The following SETX variants were observed in gnomAD, a reference collection of about 807,000 sequenced individuals.
SETX encodes the protein senataxin.
A neutral mutation model predicts 227.2 loss-of-function variants in SETX; 90 were observed. That is an observed-to-expected ratio of 0.40 (90% CI 0.33 to 0.47). The LOEUF (loss-of-function observed/expected upper bound fraction) is 0.47. SETX is among the 20% of genes least tolerant of loss of function. The pLI is 0.91. For synonymous variants in SETX, 1,210 were observed against 1,113.2 expected, an observed-to-expected ratio of 1.09 and a Z score of -1.73; for missense variants, 3,052 against 3,181.5, an observed-to-expected ratio of 0.96 and a Z score of 0.98.
Position 132,300,492 on chromosome 9 carries a change from G to C in SETX, c.5548+138C>G. The stretch of plus-strand genomic sequence containing the variant: ...CTAGAAAAACTAGAAAAGAGACTCT[G>C]AATGGCCATGTAATCAACATAGCAA... On this transcript the variant is annotated intron_variant, in intron 12 of 25. Transcript: ENST00000224140. 4 of 867,820 alleles carry C rather than the reference G, an allele frequency of 4.6e-6. No individual in the cohort carries two copies. The South Asian group carries it at 5.8e-5, about 13-fold the overall frequency. 53.8% of individuals were successfully genotyped at this position (867,820 alleles called of 1,614,324 possible). A position where few individuals can be genotyped will look rare whatever the true frequency, so the allele number is the denominator to read the frequency against.
At chr9:132,315,453 T>A (rs1363664983) in intron 10 of SETX, among the ~76,000 whole-genome samples, 1 of 152,190 alleles carries the variant, frequency 6.6e-6, no homozygotes, top group Non-Finnish European at 1.5e-5. Flanking sequence ...CTTAAACTCC[T>A]AGAGTTATCC....
rs397741391 is a variant in SETX at position 132,265,224 on chromosome 9, G to GTTTT, written c.7288-243_7288-240dup. Among the ~76,000 whole-genome samples, 1,517 of 106,392 alleles carry GTTTT rather than the reference G, an allele frequency of 0.014. 51 individuals carry two copies. Among genetic ancestry groups the GTTTT allele is most frequent in the African/African-American group, 0.019 (507 of 26,324 alleles). 69.8% of individuals were successfully genotyped at this position (106,392 alleles called of 152,430 possible). Reference sequence around the variant, plus strand: ...CCTATAATGGAGAACTTCAACTTTTGTTTTTTTTTTTTTTTTTTTTGAGAC... The same window carrying GTTTT: ...CCTATAATGGAGAACTTCAACTTTTGTTTTTTTTTTTTTTTTTTTTTTTTGAGAC... On this transcript the variant is annotated intron_variant, in intron 25 of 25. Coordinates refer to ENST00000224140, the MANE Select transcript of SETX (RefSeq NM_015046.7).
chr9:132,343,730 C>G (rs1165003656), intron 4 of SETX, among the ~76,000 whole-genome samples: 1 of 152,118 alleles, frequency 6.6e-6, no homozygotes, highest in Admixed American at 6.5e-5. Flanking sequence ...GATTTTTGAT[C>G]TGGATGCTGG....
intron 5 of SETX, among the ~76,000 whole-genome samples, chr9:132,338,610 T>C (rs1366316095): frequency 6.6e-6 from 1 of 152,178 alleles, no homozygotes; most frequent in East Asian, 1.9e-4. Flanking sequence ...GGTATATCAT[T>C]GTGGTCTTAT....
chr9:132,332,493 G>C (rs974892096), intron 7 of SETX, among the ~76,000 whole-genome samples: 13 of 152,160 alleles, frequency 8.5e-5, no homozygotes, highest in Admixed American at 5.2e-4. Context: ...CTTTACCACA[G>C]TCATTTGAAC....
intron 1 of SETX, among the ~76,000 whole-genome samples, chr9:132,354,401 C>A (rs1392366826): frequency 6.8e-6 from 1 of 148,098 alleles, no homozygotes; most frequent in Non-Finnish European, 1.5e-5. Flanking sequence ...GGGGATGAGG[C>A]GGAAGGATCG....
intron 5 of SETX, 26 bp downstream of exon 5, chr9:132,342,664 T>C (rs747982588): frequency 1.3e-5 from 19 of 1,457,788 alleles, no homozygotes; most frequent in Non-Finnish European, 1.8e-5. Context: ...CAATATACCC[T>C]TCTATCGCCC....
At chr9:132,345,326 TGCAGTG>T (rs2131552765) in intron 4 of SETX, among the ~76,000 whole-genome samples, 1 of 152,344 alleles carries the variant, frequency 6.6e-6, no homozygotes, top group Non-Finnish European at 1.5e-5. Context: ...CAGGCTGGAG[TGCAGTG>T]GCACAATCTT....
intron 17 of SETX, among the ~76,000 whole-genome samples, chr9:132,287,042 G>C (rs193018184): frequency 6.6e-6 from 1 of 152,282 alleles, no homozygotes; most frequent in East Asian, 1.9e-4. Flanking sequence ...ATTATGGAGT[G>C]GAGAAATGAT....
chr9:132,296,351 G>A (rs901762059), intron 14 of SETX, among the ~76,000 whole-genome samples: 4 of 152,064 alleles, frequency 2.6e-5, no homozygotes, highest in East Asian at 1.9e-4. Flanking sequence ...TCAGGAGCTC[G>A]AGACCAGCCT....
At chr9:132,349,487 T>TAG in intron 2 of SETX, 52 bp from the exon 3 acceptor site, 1 of 1,575,616 alleles carries the variant, frequency 6.3e-7, no homozygotes. Flanking sequence ...AGACCTACTG[T>TAG]GTGTCAAGAA....
chr9:132,290,034 C>T (rs914348765), intron 15 of SETX, among the ~76,000 whole-genome samples: 1 of 151,876 alleles, frequency 6.6e-6, no homozygotes, highest in Non-Finnish European at 1.5e-5. Flanking sequence ...CATGGCAAAA[C>T]CCCATTTCTA....
In SETX at chr9:132,278,273, TA is replaced by T. The variant is rs1564478696; in HGVS notation, c.6655-17del. The T allele has an allele frequency of 6.2e-7, 1 of 1,613,384 alleles. No homozygotes were observed. On this transcript the variant is annotated splice_polypyrimidine_tract_variant and intron_variant, in intron 20 of 25. Transcript: ENST00000224140. The stretch of plus-strand genomic sequence containing the variant: ...CCTGTGCTTTCTGTGAGGGGCAAAA[TA>T]AAGCAACAGTTTCCAAGAATTCATT...
intron 15 of SETX, among the ~76,000 whole-genome samples, chr9:132,290,116 G>A (rs1292550853): frequency 6.6e-6 from 1 of 152,094 alleles, no homozygotes; most frequent in East Asian, 1.9e-4. Flanking sequence ...GGCTGAGGCT[G>A]GAAAGTTGCC....
rs1038376773 is a variant in SETX at position 132,262,377 on chromosome 9, A to G, written c.*1862T>C. 3 of 152,116 alleles carry G rather than the reference A, an allele frequency of 2.0e-5. No homozygotes were observed. The highest frequency in any genetic ancestry group is 2.0e-4 in the Admixed American group (3 of 15,270). 9.4% of individuals were successfully genotyped at this position (152,116 alleles called of 1,614,324 possible). On this transcript the variant is annotated 3_prime_UTR_variant, in exon 26 of 26. Coordinates refer to ENST00000224140, the MANE Select transcript of SETX (RefSeq NM_015046.7). ...GTACATTCCCTAAGTGGTCAGCACT[A>G]CAAGTGTCTGCTAAAATGGGCACTT...
At chr9:132,335,785 G>A (rs986955288) in intron 6 of SETX, among the ~76,000 whole-genome samples, 1 of 152,176 alleles carries the variant, frequency 6.6e-6, no homozygotes, top group African/African-American at 2.4e-5. Flanking sequence ...AAAATGTACT[G>A]CTTACTACAG....
intron 10 of SETX, among the ~76,000 whole-genome samples, chr9:132,323,719 T>C (rs1454973672): frequency 2.0e-5 from 3 of 151,924 alleles, no homozygotes; most frequent in Non-Finnish European, 4.4e-5. Context: ...CTAGGCAACA[T>C]GGGAAAAACT....
At chr9:132,333,377 CAAAAAGAAAAAAAAA>C (rs1847367480) in intron 7 of SETX, among the ~76,000 whole-genome samples, 1 of 60,484 alleles carries the variant, frequency 1.7e-5, no homozygotes, top group South Asian at 6.8e-4. Context: ...GACTTGGTCT[CAAAAAGAAAAAAAAA>C]AAAAAGAAAA....
At chr9:132,352,212 T>G (rs146882684) in intron 2 of SETX, among the ~76,000 whole-genome samples, 97 of 152,332 alleles carry the variant, frequency 6.4e-4, no homozygotes, top group African/African-American at 2.3e-3. Context: ...CTGACTCTGC[T>G]AAAGCATATG....
Sources: allele counts gnomAD v4.1 joint callset (sites outside exome capture counted in the v4.1 genomes callset), GRCh38; gene constraint gnomAD v4.1.1; transcripts MANE v1.5; gene names NCBI Gene and HGNC (gene_info 2026-07-23, HGNC 2026-07-21).